PLEKHD1: variants seen among roughly 807,000 people sequenced by gnomAD.
PLEKHD1 encodes the protein pleckstrin homology and coiled-coil domain containing D1.
PLEKHD1 carries 51 observed loss-of-function variants against 69.2 expected under a neutral mutation model. The observed-to-expected ratio is 0.74, with a 90% CI of 0.59 to 0.93. The LOEUF is 0.93. PLEKHD1 is among the 40% of genes least tolerant of loss of function. PLEKHD1 has a pLI of 0.00. For synonymous variants in PLEKHD1, 236 were observed against 244.7 expected (o/e 0.96, Z 0.33); for missense variants, 584 against 641.0 (o/e 0.91, Z 0.96).
At chr14:69,505,846 G>A (rs925407123) in intron 6 of PLEKHD1, among the ~76,000 whole-genome samples, 4 of 152,200 alleles carry the variant, frequency 2.6e-5, no homozygotes, top group Admixed American at 6.5e-5. Flanking sequence ...TCCCAGAGCC[G>A]GAAGTCCATG....
rs1298092500 is a variant in PLEKHD1, at chr14:69,527,907, C to T, written c.1326C>T (p.Arg442=). 2 of 1,551,614 alleles carry T rather than the reference C, an allele frequency of 1.3e-6. No individual in the cohort carries two copies. Among genetic ancestry groups the T allele is most frequent in the Non-Finnish European group, 1.7e-6 (2 of 1,147,010 alleles). The change falls in exon 12 of 13, where the codon CGC becomes CGT. Residue 442 remains arginine (R), a synonymous_variant. Coordinates refer to ENST00000322564, the MANE Select transcript of PLEKHD1 (RefSeq NM_001161498.2). ...RRIKSCRFHR[R]RSSTSWNDMK... ...TCAAGAGCTGCCGCTTCCACCGACG[C>T]CGGTCCAGCACCTCCTGGAATGACA...
chr14:69,469,910 C>T, the PLEKHD1 span, among the ~76,000 whole-genome samples: 6 of 151,626 alleles, frequency 4.0e-5, no homozygotes, highest in East Asian at 2.0e-4. Flanking sequence ...TTAGTAGAGA[C>T]GGGGTTTCAT....
At chr14:69,519,800 T>G (rs1266903780) in intron 6 of PLEKHD1, among the ~76,000 whole-genome samples, 2 of 152,112 alleles carry the variant, frequency 1.3e-5, no homozygotes, top group Non-Finnish European at 2.9e-5. Flanking sequence ...TTTCCAGGGA[T>G]GGGGTGGAGC....
At chr14:69,502,192 C>G (rs1397354828) in intron 5 of PLEKHD1, 1 of 191,532 alleles carries the variant, frequency 5.2e-6, no homozygotes, top group Non-Finnish European at 1.1e-5. Flanking sequence ...GAGACAATGT[C>G]TGTAAGTGCT....
intron 1 of PLEKHD1, among the ~76,000 whole-genome samples, chr14:69,489,288 G>A (rs933538330): frequency 6.6e-6 from 1 of 152,168 alleles, no homozygotes; most frequent in Non-Finnish European, 1.5e-5. Flanking sequence ...TCTAAGGCCG[G>A]GTGTGGTGGC....
At chr14:69,481,465 G>T (rs1882540425), upstream of PLEKHD1, among the ~76,000 whole-genome samples, 1 of 152,200 alleles carries the variant, frequency 6.6e-6, no homozygotes, top group Non-Finnish European at 1.5e-5. Context: ...TTCCTGAAAA[G>T]AGAGGAAAGA....
At chr14:69,468,796 G>C in the PLEKHD1 span, among the ~76,000 whole-genome samples, 444 of 152,258 alleles carry the variant, frequency 2.9e-3, 3 homozygotes, top group African/African-American at 0.01. Context: ...GACCAGGTTG[G>C]TCTCAAACTC....
chr14:69,486,440 T>A lies in PLEKHD1; in HGVS notation c.149+1326T>A, dbSNP rs569159123. Among the ~76,000 whole-genome samples the A allele has an allele frequency of 2.8e-4, 42 of 152,258 alleles. 1 individual carries two copies. In the South Asian group the frequency reaches 8.1e-3, roughly 29 times the overall value. Reference sequence around the variant, plus strand: ...AAAGTTCAGCTTATCTCTGACCCCCTAAATGAAGGCTTGGAGCAACATGGA... The same window carrying A: ...AAAGTTCAGCTTATCTCTGACCCCCAAAATGAAGGCTTGGAGCAACATGGA... On this transcript the variant is annotated intron_variant, in intron 1 of 12. Transcript: ENST00000322564.
At chr14:69,484,274 G>T (rs1391506682), upstream of PLEKHD1, among the ~76,000 whole-genome samples, 2 of 152,238 alleles carry the variant, frequency 1.3e-5, no homozygotes, top group Non-Finnish European at 2.9e-5. Context: ...CCAGACCGCC[G>T]CAGTTCACGG....
At chr14:69,527,383 A>G (rs1883680304) in intron 11 of PLEKHD1, 51 bp downstream of exon 11, 4 of 1,549,074 alleles carry the variant, frequency 2.6e-6, no homozygotes, top group Non-Finnish European at 3.5e-6. Context: ...TCAGCCCCAG[A>G]TGGGATCCCG....
chr14:69,508,094 T>C (rs753098160), intron 6 of PLEKHD1, among the ~76,000 whole-genome samples: 2 of 152,340 alleles, frequency 1.3e-5, no homozygotes, highest in African/African-American at 4.8e-5. Context: ...TATATGCTTA[T>C]ATGCCATCTT....
chr14:69,502,728 T>TG (rs1442872844), intron 5 of PLEKHD1, 99 bp from the exon 6 acceptor site: 1 of 1,468,026 alleles, frequency 6.8e-7, no homozygotes, highest in Non-Finnish European at 9.3e-7. Context: ...TGGGAGATGC[T>TG]GGGGGTGACA....
chr14:69,475,029 T>G, the PLEKHD1 span, among the ~76,000 whole-genome samples: 1 of 152,164 alleles, frequency 6.6e-6, no homozygotes, highest in Admixed American at 6.5e-5. Context: ...TTAGCTCCCT[T>G]TTGATATATG....
intron 6 of PLEKHD1, among the ~76,000 whole-genome samples, chr14:69,505,847 G>T (rs1445198399): frequency 6.6e-6 from 1 of 152,206 alleles, no homozygotes; most frequent in East Asian, 1.9e-4. Context: ...CCCAGAGCCG[G>T]AAGTCCATGC....
At position 69,522,492 on chromosome 14, in the gene PLEKHD1, C is replaced by T. The variant is rs1883540099; in HGVS notation, c.650+115C>T. 4 of 1,125,904 alleles carry T rather than the reference C, an allele frequency of 3.6e-6. No individual in the cohort carries two copies. The South Asian group carries it at 4.5e-5, about 13-fold the overall frequency. 69.7% of individuals were successfully genotyped at this position (1,125,904 alleles called of 1,614,324 possible). The stretch of plus-strand genomic sequence containing the variant: ...CAGAGATGCTATCTTCCCAAGGCTC[C>T]AGGCTTGGGTCTATCCCAGTTTGAG... On this transcript the variant is annotated intron_variant, in intron 7 of 12. Transcript: ENST00000322564.
chr14:69,508,087 A>G (rs1883191153), intron 6 of PLEKHD1, among the ~76,000 whole-genome samples: 1 of 152,210 alleles, frequency 6.6e-6, no homozygotes, highest in South Asian at 2.1e-4. Flanking sequence ...ATCCTTTTAT[A>G]TGCTTATATG....
In PLEKHD1 at chr14:69,498,597, T is replaced by TCTTCTCTTCTCTTCTCTTCTCTTCC. The variant is rs1566557301; in HGVS notation, c.150-1494_150-1493insCCTTCTCTTCTCTTCTCTTCTCTTC. Among the ~76,000 whole-genome samples, 11 of 94,742 alleles carry TCTTCTCTTCTCTTCTCTTCTCTTCC rather than the reference T, an allele frequency of 1.2e-4. No homozygotes were observed. The South Asian group carries it at 1.2e-3, about 11-fold the overall frequency. The allele number at this position is 94,742 out of a possible 152,430, so 62.2% of individuals were successfully genotyped here. On this transcript the variant is annotated intron_variant, in intron 1 of 12. Coordinates refer to ENST00000322564, the MANE Select transcript of PLEKHD1 (RefSeq NM_001161498.2). ...CAAGGTTTCTTTTTGTTTTCTCTTC[T>TCTTCTCTTCTCTTCTCTTCTCTTCC]CTTCTCTTCTCTTCTCTTCTCTTCT...
At chr14:69,489,740 G>T (rs1478268822) in intron 1 of PLEKHD1, among the ~76,000 whole-genome samples, 1 of 152,124 alleles carries the variant, frequency 6.6e-6, no homozygotes, top group Non-Finnish European at 1.5e-5. Context: ...GTCAAACTGT[G>T]TGCCACAAAT....
At position 69,500,032 on chromosome 14, in the gene PLEKHD1, G is replaced by A; in HGVS notation, c.150-83G>A. The A allele has an allele frequency of 4.3e-6, 4 of 933,186 alleles. No individual in the cohort carries two copies. In the South Asian group the frequency reaches 4.6e-5, roughly 11 times the overall value. 57.8% of individuals were successfully genotyped at this position (933,186 alleles called of 1,614,324 possible). ...CCTGTGGGCTCCCATGTGAGTCCAG[G>A]GCCCCCAAGGGTGCTCTTGTTGTCC... On this transcript the variant is annotated intron_variant, in intron 1 of 12. Coordinates refer to ENST00000322564, the MANE Select transcript of PLEKHD1 (RefSeq NM_001161498.2).
Sources: allele counts gnomAD v4.1 joint callset (sites outside exome capture counted in the v4.1 genomes callset), GRCh38; gene constraint gnomAD v4.1.1; transcripts MANE v1.5; gene names NCBI Gene and HGNC (gene_info 2026-07-23, HGNC 2026-07-21).